MAK: variants seen among roughly 807,000 people sequenced by gnomAD.
The protein encoded by MAK is male germ cell associated kinase.
In MAK, 65 loss-of-function variants were observed where a neutral mutation model predicts 82.6. The observed-to-expected ratio is 0.79, with a 90% CI of 0.64 to 0.97. The LOEUF is 0.97. Among genes scored for constraint, MAK ranks in the 50% least tolerant of loss-of-function variants. MAK has a pLI of 0.00. For synonymous variants in MAK, 250 were observed against 274.2 expected, an observed-to-expected ratio of 0.91 and a Z score of 0.87; for missense variants, 703 against 780.2, an observed-to-expected ratio of 0.90 and a Z score of 1.18.
At chr6:10,802,235 G>C (rs144785165) in intron 7 of MAK, 176 bp from the exon 8 acceptor site, 3 of 573,876 alleles carry the variant, frequency 5.2e-6, no homozygotes, top group African/African-American at 3.7e-5. Flanking sequence ...TGCTACGACA[G>C]TATAGAAAGA....
intron 1 of MAK, among the ~76,000 whole-genome samples, chr6:10,831,183 A>G (rs528689223): frequency 2.1e-4 from 32 of 152,252 alleles, no homozygotes; most frequent in Non-Finnish European, 3.7e-4. Context: ...TGGAAAATTG[A>G]TGTCTATATG....
intron 1 of MAK, among the ~76,000 whole-genome samples, chr6:10,834,482 A>T (rs987983091): frequency 6.6e-6 from 1 of 152,176 alleles, no homozygotes; most frequent in Admixed American, 6.6e-5. Context: ...ATCCCTAATG[A>T]GGCTAAAGAA....
rs145393391 is a variant in MAK at position 10,829,251 on chromosome 6, G to A, written c.101+1297C>T. Reference sequence around the variant, plus strand: ...TGTTATGCAGCAATAGATAAACACAGTGGATTAAAAACAAACAAATTAACA... The same window carrying A: ...TGTTATGCAGCAATAGATAAACACAATGGATTAAAAACAAACAAATTAACA... On this transcript the variant is annotated intron_variant, in intron 2 of 14. Transcript: ENST00000354489. The A allele has an allele frequency of 9.9e-4, 151 of 152,306 alleles. 1 individual carries two copies. The highest frequency in any genetic ancestry group is 3.2e-3 in the African/African-American group (131 of 41,566). 9.4% of individuals were successfully genotyped at this position (152,306 alleles called of 1,614,324 possible). A position where few individuals can be genotyped will look rare whatever the true frequency, so the allele number is the denominator to read the frequency against.
intron 2 of MAK, among the ~76,000 whole-genome samples, chr6:10,823,018 T>TC (rs1778082864): frequency 6.6e-6 from 1 of 152,092 alleles, no homozygotes; most frequent in South Asian, 2.1e-4. Context: ...TTCTAACCAT[T>TC]CCCCCTCCAA....
At chr6:10,768,958 C>T (rs1310456752) in intron 14 of MAK, among the ~76,000 whole-genome samples, 1 of 152,156 alleles carries the variant, frequency 6.6e-6, no homozygotes, top group Non-Finnish European at 1.5e-5. Context: ...GCCTATAATC[C>T]CAGAGTTTTG....
At chr6:10,796,384 C>A in intron 8 of MAK, 75 bp from the exon 9 acceptor site, 1 of 1,271,686 alleles carries the variant, frequency 7.9e-7, no homozygotes, top group South Asian at 1.2e-5. Flanking sequence ...TATGGTTGGC[C>A]CTGTGCGAGG....
At chr6:10,773,889 C>T (rs1773232636) in intron 12 of MAK, among the ~76,000 whole-genome samples, 2 of 151,746 alleles carry the variant, frequency 1.3e-5, no homozygotes, top group South Asian at 4.2e-4. Flanking sequence ...TTAGTAGAGA[C>T]AGGGTTTCAC....
intron 7 of MAK, among the ~76,000 whole-genome samples, chr6:10,803,062 G>C (rs1776137746): frequency 6.6e-6 from 1 of 152,200 alleles, no homozygotes; most frequent in Admixed American, 6.5e-5. Flanking sequence ...GCCAGCCACA[G>C]AATGAGCAGG....
chr6:10,776,942 A>G lies in MAK; in HGVS notation c.1466-1483T>C, dbSNP rs1042620524. Among the ~76,000 whole-genome samples, 3 of 151,686 alleles carry G rather than the reference A, an allele frequency of 2.0e-5. No homozygotes were observed. The highest frequency in any genetic ancestry group is 7.3e-5 in the African/African-American group (3 of 41,298). On this transcript the variant is annotated intron_variant, in intron 11 of 14. Coordinates refer to ENST00000354489, the MANE Select transcript of MAK (RefSeq NM_001242957.3). This position sits in a 1 kb window ranked among gnomAD's most constrained non-coding sequence, Gnocchi z 4.3. ...TCTACTAAAAACACAAAAATTAGCC[A>G]GGCATGAGACAGGAGAATCGCTTGA...
chr6:10,791,914 T>G, intron 9 of MAK, 67 bp from the exon 10 acceptor site: 1 of 1,521,962 alleles, frequency 6.6e-7, no homozygotes, highest in South Asian at 1.1e-5. Context: ...CACAAGCTAC[T>G]ATCTATGTAA....
chr6:10,767,575 G>T (rs1403018065), intron 14 of MAK, among the ~76,000 whole-genome samples: 1 of 152,116 alleles, frequency 6.6e-6, no homozygotes, highest in Non-Finnish European at 1.5e-5. Flanking sequence ...AGAGGTCGAG[G>T]CAGGCAGATC....
At chr6:10,787,533 C>T (rs557016595) in intron 10 of MAK, among the ~76,000 whole-genome samples, 2 of 152,142 alleles carry the variant, frequency 1.3e-5, no homozygotes, top group South Asian at 2.1e-4. Flanking sequence ...TAGAATTGTA[C>T]AAGACCATTG....
chr6:10,784,293 C>T (rs1774307274), intron 11 of MAK, 131 bp downstream of exon 11: 3 of 880,304 alleles, frequency 3.4e-6, no homozygotes, highest in South Asian at 2.9e-5. Flanking sequence ...TGGCGACAGA[C>T]TGAGCTACCA....
intron 9 of MAK, among the ~76,000 whole-genome samples, chr6:10,795,031 C>A (rs1298206416): frequency 6.6e-6 from 1 of 151,634 alleles, no homozygotes; most frequent in African/African-American, 2.4e-5. Context: ...AAAACCCATT[C>A]TCTCCATGTT....
chr6:10,775,305 T>G (rs1192765359), intron 12 of MAK, 23 bp downstream of exon 12: 3 of 1,610,750 alleles, frequency 1.9e-6, no homozygotes, highest in Non-Finnish European at 2.5e-6. Flanking sequence ...CCCGTACATG[T>G]ACATTTTGTA....
intron 2 of MAK, among the ~76,000 whole-genome samples, chr6:10,828,218 AAATTTTAGTTTGTCAT>A (rs1778525289): frequency 6.6e-6 from 1 of 152,222 alleles, no homozygotes; most frequent in Non-Finnish European, 1.5e-5. Context: ...TAAAGTATTT[AAATTTTAGTTTGTCAT>A]AATTTGGTTG....
chr6:10,769,972 G>T, intron 14 of MAK, 139 bp downstream of exon 14: 1 of 1,511,768 alleles, frequency 6.6e-7, no homozygotes, highest in Non-Finnish European at 9.0e-7. Context: ...GGACATTTCG[G>T]TAAAAACAAA....
intron 2 of MAK, among the ~76,000 whole-genome samples, chr6:10,822,644 G>A (rs1359459652): frequency 1.3e-5 from 2 of 152,142 alleles, no homozygotes; most frequent in Non-Finnish European, 2.9e-5. Flanking sequence ...GCTTAGAATA[G>A]CTAAGAAAAG....
chr6:10,785,617 C>G (rs141222208), intron 10 of MAK, among the ~76,000 whole-genome samples: 40 of 152,372 alleles, frequency 2.6e-4, no homozygotes, highest in African/African-American at 7.2e-4. Flanking sequence ...CCATTTCTGG[C>G]AACTTTCCCT....
Sources: allele counts gnomAD v4.1 joint callset (sites outside exome capture counted in the v4.1 genomes callset), GRCh38; gene constraint gnomAD v4.1.1; non-coding constraint Gnocchi (gnomAD v3.1); transcripts MANE v1.5; gene names NCBI Gene and HGNC (gene_info 2026-07-23, HGNC 2026-07-21).